DSCAML1: variants seen among roughly 807,000 people sequenced by gnomAD.
DSCAML1 encodes the protein cell adhesion molecule DSCAML1.
A neutral mutation model predicts 200.5 loss-of-function variants in DSCAML1; 38 were observed. The ratio of observed to expected loss-of-function variants is 0.19; its 90% CI spans 0.15 to 0.25. DSCAML1 has a LOEUF of 0.25. Ranked by LOEUF, DSCAML1 falls within the 10% of genes least tolerant of loss-of-function variation. The pLI, the probability that DSCAML1 is intolerant of heterozygous loss-of-function variation, is 1.00. For missense variants in DSCAML1, 2,223 were observed against 2,858.8 expected, an observed-to-expected ratio of 0.78 and a Z score of 5.07; for synonymous variants, 1,215 against 1,165.0, an observed-to-expected ratio of 1.04 and a Z score of -0.87.
intron 3 of DSCAML1, among the ~76,000 whole-genome samples, chr11:117,676,461 T>C (rs1454071865): frequency 6.6e-6 from 1 of 152,194 alleles, no homozygotes; most frequent in African/African-American, 2.4e-5. Context: ...TCTCCTCCAG[T>C]CGCCTTTCCC....
intron 11 of DSCAML1, among the ~76,000 whole-genome samples, chr11:117,486,832 AATTGGGATGTGTGATAAGT>A (rs1038710005): frequency 6.6e-6 from 1 of 151,430 alleles, no homozygotes; most frequent in African/African-American, 2.4e-5. Context: ...AGCCAGCCCA[AATTGGGATGTGTGATAAGT>A]ATAAAATACA....
rs190567289 is a variant in DSCAML1 at position 117,587,383 on chromosome 11, C to T, written c.512-54861G>A. On this transcript the variant is annotated intron_variant, in intron 3 of 32. Coordinates refer to ENST00000651296, the MANE Select transcript of DSCAML1 (RefSeq NM_020693.4). ...TGGCAGCCGCAGGGCTCGGATGCTG[C>T]AGTCTGCCCTCCTCCTACCCTCCCC... 9.1e-3 allele frequency among the ~76,000 whole-genome samples: 1,385 copies of T among 152,162 alleles called. 8 individuals are homozygous for T. Among genetic ancestry groups the T allele is most frequent in the Non-Finnish European group, 0.015 (989 of 67,988 alleles).
intron 1 of DSCAML1, among the ~76,000 whole-genome samples, chr11:117,782,415 T>C (rs2055281147): frequency 6.6e-6 from 1 of 152,234 alleles, no homozygotes; most frequent in African/African-American, 2.4e-5. Flanking sequence ...CACCAGGCAC[T>C]GCACTCATAG....
chr11:117,590,971 C>T (rs1171009855), intron 3 of DSCAML1, among the ~76,000 whole-genome samples: 1 of 152,138 alleles, frequency 6.6e-6, no homozygotes, highest in East Asian at 1.9e-4. Flanking sequence ...CAGCACAAAA[C>T]AGGGGGAGTG....
chr11:117,560,848 T>G (rs1373283474), intron 3 of DSCAML1, among the ~76,000 whole-genome samples: 1 of 152,178 alleles, frequency 6.6e-6, no homozygotes, highest in East Asian at 1.9e-4. Flanking sequence ...TACTGTAAAA[T>G]TAATCATCAT....
intron 18 of DSCAML1, 45 bp from the exon 19 acceptor site, chr11:117,458,954 G>T (rs942731199): frequency 6.3e-7 from 1 of 1,594,114 alleles, no homozygotes; most frequent in African/African-American, 1.3e-5. Context: ...CCATCGGGCT[G>T]TGGCCCCTGC....
rs1421180445 is a variant in DSCAML1, at chr11:117,489,887, G to T, written c.2360-7725C>A. Among the ~76,000 whole-genome samples, 2 of 152,196 alleles carry T rather than the reference G, an allele frequency of 1.3e-5. No individual in the cohort carries two copies. Among genetic ancestry groups the T allele is most frequent in the South Asian group, 4.1e-4 (2 of 4,834 alleles). On this transcript the variant is annotated intron_variant, in intron 11 of 32. Coordinates refer to ENST00000651296, the MANE Select transcript of DSCAML1 (RefSeq NM_020693.4). This position sits in a 1 kb window ranked among gnomAD's most constrained non-coding sequence, Gnocchi z 4.8. Reference sequence around the variant, plus strand: ...AGGGCAGAAGCATCTCTATTCCAGGGCTTAGCTCGTGTTTGTGGAAAGGAG... The same window carrying T: ...AGGGCAGAAGCATCTCTATTCCAGGTCTTAGCTCGTGTTTGTGGAAAGGAG...
intron 3 of DSCAML1, among the ~76,000 whole-genome samples, chr11:117,679,224 G>T (rs929083713): frequency 1.3e-5 from 2 of 152,156 alleles, no homozygotes; most frequent in African/African-American, 4.8e-5. Flanking sequence ...CAGCAGGCTT[G>T]TGGCTTAACC....
At chr11:117,461,931 C>A (rs561712553) in intron 17 of DSCAML1, among the ~76,000 whole-genome samples, 1 of 152,206 alleles carries the variant, frequency 6.6e-6, no homozygotes, top group Non-Finnish European at 1.5e-5. Context: ...CAGGCCACCA[C>A]GACCCAGGCA....
chr11:117,664,073 G>A (rs527630351), intron 3 of DSCAML1, among the ~76,000 whole-genome samples: 3 of 152,332 alleles, frequency 2.0e-5, no homozygotes, highest in African/African-American at 7.2e-5. Flanking sequence ...GAGGGGCCGG[G>A]CCTGGGAAGA....
intron 21 of DSCAML1, 85 bp from the exon 22 acceptor site, chr11:117,440,021 CA>C (rs1269735330): frequency 8.4e-7 from 1 of 1,184,600 alleles, no homozygotes; most frequent in Admixed American, 1.7e-5. Context: ...CCTGGATTTA[CA>C]GTTCAAATCC....
intron 11 of DSCAML1, among the ~76,000 whole-genome samples, chr11:117,491,428 C>G (rs910467614): frequency 3.3e-5 from 5 of 152,198 alleles, no homozygotes; most frequent in African/African-American, 1.2e-4. Flanking sequence ...CTGGCAGAGT[C>G]AGGCCATGGC....
At chr11:117,678,233 C>T (rs1451078377) in intron 3 of DSCAML1, among the ~76,000 whole-genome samples, 1 of 152,186 alleles carries the variant, frequency 6.6e-6, no homozygotes, top group African/African-American at 2.4e-5. Context: ...GAGAGATAGC[C>T]CCCATTTTTC....
chr11:117,671,394 G>A (rs1046258780), intron 3 of DSCAML1, among the ~76,000 whole-genome samples: 9 of 152,116 alleles, frequency 5.9e-5, no homozygotes, highest in Non-Finnish European at 1.0e-4. Context: ...TTTACATCTC[G>A]GGGCTTACCT....
At chr11:117,680,636 G>GCTGCCATGGTGGTTGTCTGCTCGCATT (rs2053294492) in intron 3 of DSCAML1, among the ~76,000 whole-genome samples, 2 of 152,228 alleles carry the variant, frequency 1.3e-5, no homozygotes, top group Non-Finnish European at 2.9e-5. Context: ...TGCTGGCCAG[G>GCTGCCATGGTGGTTGTCTGCTCGCATT]CTGCCATGGT....
intron 6 of DSCAML1, among the ~76,000 whole-genome samples, 186 bp downstream of exon 6, chr11:117,520,943 AG>A (rs2049874650): frequency 6.6e-6 from 1 of 152,200 alleles, no homozygotes; most frequent in Non-Finnish European, 1.5e-5. Context: ...AAAGGAAAAA[AG>A]ATTAAAAAGA....
chr11:117,476,564 A>G (rs981267708), intron 14 of DSCAML1, among the ~76,000 whole-genome samples: 2 of 152,212 alleles, frequency 1.3e-5, no homozygotes, highest in African/African-American at 4.8e-5. Flanking sequence ...AGCTTGCGCT[A>G]TGAGGCTGGT....
At chr11:117,432,581 C>A in intron 29 of DSCAML1, 77 bp from the exon 30 acceptor site, 1 of 1,472,278 alleles carries the variant, frequency 6.8e-7, no homozygotes, top group South Asian at 1.3e-5. Flanking sequence ...CTGAATTTCT[C>A]TTTGTCTTTA....
chr11:117,676,444 T>A (rs115472906), intron 3 of DSCAML1, among the ~76,000 whole-genome samples: 1 of 152,168 alleles, frequency 6.6e-6, no homozygotes, highest in Non-Finnish European at 1.5e-5. Context: ...CTGGGAGATA[T>A]CTGGTTTCTC....
Sources: gnomAD v4.1 joint callset for allele counts (sites outside exome capture counted in the v4.1 genomes callset) on GRCh38, gnomAD v4.1.1 for gene constraint, Gnocchi (gnomAD v3.1) non-coding constraint, MANE v1.5 for transcripts, NCBI Gene and HGNC (gene_info 2026-07-23, HGNC 2026-07-21) for gene names.